The following LSAMP variants were observed in gnomAD, a reference collection of about 807,000 sequenced individuals.
The protein encoded by LSAMP is limbic system associated membrane protein, also known as limbic system-associated membrane protein.
Under a neutral mutation model 38.6 loss-of-function variants are expected in LSAMP, and 7 were observed. The observed-to-expected ratio is 0.18, with a 90% CI of 0.10 to 0.34. The LOEUF (loss-of-function observed/expected upper bound fraction) is 0.34, where lower values mean the gene tolerates loss of function less well. Among genes scored for constraint, LSAMP ranks in the 10% least tolerant of loss-of-function variants. The pLI, the probability that LSAMP is intolerant of heterozygous loss-of-function variation, is 1.00. For synonymous variants in LSAMP, 154 were observed against 166.8 expected, an observed-to-expected ratio of 0.92 and a Z score of 0.59; for missense variants, 313 against 420.0, an observed-to-expected ratio of 0.75 and a Z score of 2.23.
intron 1 of LSAMP, among the ~76,000 whole-genome samples, chr3:116,137,808 C>A (rs1050566049): frequency 6.6e-6 from 1 of 152,100 alleles, no homozygotes; most frequent in African/African-American, 2.4e-5. Flanking sequence ...ATAATGATGG[C>A]CTTATCAAAG....
intron 1 of LSAMP, among the ~76,000 whole-genome samples, chr3:116,365,867 G>T (rs1367445890): frequency 1.5e-5 from 1 of 64,906 alleles, no homozygotes; most frequent in African/African-American, 6.2e-5. Flanking sequence ...CTGTGGTGGG[G>T]TCGGGGGAGG....
intron 1 of LSAMP, among the ~76,000 whole-genome samples, chr3:116,435,725 T>C (rs887228491): frequency 1.3e-5 from 2 of 152,158 alleles, no homozygotes; most frequent in Non-Finnish European, 2.9e-5. Context: ...AAGTTCTGCC[T>C]TCCTCAAAGG....
At chr3:115,980,523 G>A (rs1038743078) in intron 3 of LSAMP, among the ~76,000 whole-genome samples, 4 of 152,152 alleles carry the variant, frequency 2.6e-5, no homozygotes, top group Non-Finnish European at 5.9e-5. Context: ...GCAGAAAACA[G>A]TTCTATATTT....
At chr3:115,861,354 A>T (rs371911698) in intron 3 of LSAMP, among the ~76,000 whole-genome samples, 1 of 152,024 alleles carries the variant, frequency 6.6e-6, no homozygotes, top group African/African-American at 2.4e-5. Flanking sequence ...GTGTATTTTG[A>T]TGAGCCTTCC....
At chr3:116,174,830 C>T (rs1396089582) in intron 1 of LSAMP, among the ~76,000 whole-genome samples, 1 of 152,070 alleles carries the variant, frequency 6.6e-6, no homozygotes, top group Admixed American at 6.6e-5. Flanking sequence ...TCAAAATCAC[C>T]CACCATTTAG....
At chr3:116,175,647 G>A (rs1312227805) in intron 1 of LSAMP, among the ~76,000 whole-genome samples, 1 of 151,864 alleles carries the variant, frequency 6.6e-6, no homozygotes, top group Non-Finnish European at 1.5e-5. Flanking sequence ...GCAGATCTAT[G>A]GAAGCACATA....
intron 3 of LSAMP, among the ~76,000 whole-genome samples, chr3:115,864,353 C>T (rs1385777882): frequency 6.6e-6 from 1 of 152,146 alleles, no homozygotes; most frequent in Non-Finnish European, 1.5e-5. Context: ...TAAACTTGAC[C>T]CATCATTTAG....
At chr3:116,441,415 A>G (rs79081059) in intron 1 of LSAMP, among the ~76,000 whole-genome samples, 8,761 of 152,334 alleles carry the variant, frequency 0.058, 272 homozygotes, top group Non-Finnish European at 0.07. Flanking sequence ...AATGTATTAT[A>G]AAACTAACAT....
chr3:116,414,850 C>T (rs2049028431), intron 1 of LSAMP, among the ~76,000 whole-genome samples: 1 of 152,066 alleles, frequency 6.6e-6, no homozygotes. Context: ...TTACCCTCTG[C>T]TTTGTATTGA....
chr3:116,071,092 T>TAAATAAAA (rs1376405537), intron 2 of LSAMP, among the ~76,000 whole-genome samples: 2 of 143,790 alleles, frequency 1.4e-5, no homozygotes, highest in African/African-American at 5.1e-5. Context: ...AATAAATAAA[T>TAAATAAAA]AAAATAATGT....
intron 1 of LSAMP, among the ~76,000 whole-genome samples, chr3:116,317,767 G>A (rs2047652504): frequency 6.6e-6 from 1 of 152,212 alleles, no homozygotes; most frequent in Admixed American, 6.5e-5. Context: ...TTCTAAGTGA[G>A]CGATTGGATC....
chr3:116,421,581 T>G (rs1246103409), intron 1 of LSAMP, among the ~76,000 whole-genome samples: 1 of 150,028 alleles, frequency 6.7e-6, no homozygotes, highest in Non-Finnish European at 1.5e-5. Flanking sequence ...TTCTCAAAAT[T>G]CAATAATAAG....
intron 1 of LSAMP, among the ~76,000 whole-genome samples, chr3:116,428,728 CTG>C (rs780564571): frequency 3.3e-5 from 5 of 152,128 alleles, no homozygotes; most frequent in Non-Finnish European, 7.3e-5. Flanking sequence ...TTGAGTGAAA[CTG>C]TACTTTATTT....
chr3:115,979,191 G>A (rs1230384454), intron 3 of LSAMP, among the ~76,000 whole-genome samples: 1 of 151,852 alleles, frequency 6.6e-6, no homozygotes, highest in African/African-American at 2.4e-5. Flanking sequence ...AGAGCAAAGA[G>A]GGGAGAGAGG....
intron 2 of LSAMP, among the ~76,000 whole-genome samples, chr3:116,043,833 C>G (rs1941231150): frequency 6.6e-6 from 1 of 152,186 alleles, no homozygotes; most frequent in Non-Finnish European, 1.5e-5. Context: ...GTAGTCCCAG[C>G]TACTCCAGAG....
intron 4 of LSAMP, among the ~76,000 whole-genome samples, chr3:115,847,462 C>T (rs890564037): frequency 3.3e-5 from 5 of 152,150 alleles, no homozygotes; most frequent in Middle Eastern, 3.2e-3. Flanking sequence ...CTGGGGCAGA[C>T]CAGGCCCAAT....
At chr3:116,335,447 C>T (rs539082709) in intron 1 of LSAMP, among the ~76,000 whole-genome samples, 15 of 152,078 alleles carry the variant, frequency 9.9e-5, no homozygotes, top group African/African-American at 3.6e-4. Context: ...AGGACTCGCC[C>T]TTCCGGGTTT....
chr3:116,339,190 G>A (rs1426381420), intron 1 of LSAMP, among the ~76,000 whole-genome samples: 1 of 151,938 alleles, frequency 6.6e-6, no homozygotes, highest in Non-Finnish European at 1.5e-5. Flanking sequence ...AGAGAGTGGT[G>A]TAAGTAAAAC....
At chr3:116,125,310 C>T (rs553243087) in intron 1 of LSAMP, among the ~76,000 whole-genome samples, 1 of 151,952 alleles carries the variant, frequency 6.6e-6, no homozygotes, top group South Asian at 2.1e-4. Context: ...TTGTTAGCTT[C>T]CTCTTTCTCT....
Sources: allele counts gnomAD v4.1 joint callset (sites outside exome capture counted in the v4.1 genomes callset), GRCh38; gene constraint gnomAD v4.1.1; transcripts MANE v1.5; gene names NCBI Gene and HGNC (gene_info 2026-07-23, HGNC 2026-07-21).